Variants in TENM3 observed in about 807,000 individuals in gnomAD.
The protein encoded by TENM3 is teneurin-3.
In TENM3, 63 loss-of-function variants were observed where a neutral mutation model predicts 255.1. The observed-to-expected ratio is 0.25, with a 90% CI of 0.20 to 0.30. The LOEUF is 0.30. Ranked by LOEUF, TENM3 falls within the 10% of genes least tolerant of loss-of-function variation. The pLI, the probability that TENM3 is intolerant of heterozygous loss-of-function variation, is 1.00. For synonymous variants in TENM3, 1,306 were observed against 1,322.3 expected (o/e 0.99, Z 0.27); for missense variants, 2,929 against 3,461.1 (o/e 0.85, Z 3.86).
intron 3 of TENM3, among the ~76,000 whole-genome samples, chr4:182,462,205 A>G (rs572709089): frequency 1.3e-5 from 2 of 151,650 alleles, no homozygotes; most frequent in South Asian, 4.2e-4. Context: ...TCTGGCCCAC[A>G]CATTGCCACA....
chr4:182,290,073 G>T (rs1206511671), intron 1 of TENM3, among the ~76,000 whole-genome samples: 2 of 152,256 alleles, frequency 1.3e-5, no homozygotes, highest in Non-Finnish European at 2.9e-5. Context: ...CCTCACCGGG[G>T]CTAATCACTC....
chr4:181,537,065 G>GT, the TENM3 span, among the ~76,000 whole-genome samples: 1 of 152,002 alleles, frequency 6.6e-6, no homozygotes, highest in Non-Finnish European at 1.5e-5. Context: ...AACTTTATAT[G>GT]TTTATATTTG....
intron 13 of TENM3, among the ~76,000 whole-genome samples, 159 bp downstream of exon 13, chr4:182,714,392 G>C (rs1322255985): frequency 1.4e-5 from 2 of 147,778 alleles, no homozygotes; most frequent in African/African-American, 5.0e-5. Context: ...CTGATAGAAT[G>C]ATTTTGCTCT....
intron 16 of TENM3, among the ~76,000 whole-genome samples, chr4:182,734,076 C>T (rs939325657): frequency 1.3e-5 from 2 of 152,196 alleles, no homozygotes; most frequent in African/African-American, 4.8e-5. Context: ...AGAAGACGTG[C>T]ATCCTGCCAT....
chr4:181,710,627 C>T, the TENM3 span, among the ~76,000 whole-genome samples: 2 of 151,956 alleles, frequency 1.3e-5, no homozygotes, highest in East Asian at 1.9e-4. Flanking sequence ...GAGGCTGAGG[C>T]GGGAGAATCG....
Position 182,477,024 on chromosome 4 carries a change from A to G in TENM3, c.512-123900A>G, listed in dbSNP as rs558940150. 4.6e-5 allele frequency among the ~76,000 whole-genome samples: 7 copies of G among 152,342 alleles called. No homozygotes were observed. In the South Asian group the frequency reaches 1.4e-3, roughly 32 times the overall value. On this transcript the variant is annotated intron_variant, in intron 3 of 27. Transcript: ENST00000511685. ...TATAGCAGAATGAAGATGAGGCAGAACTATTTCCGTGAGATATTTTTACTT... is the reference window on the plus strand; with the variant it reads ...TATAGCAGAATGAAGATGAGGCAGAGCTATTTCCGTGAGATATTTTTACTT...
chr4:182,315,734 G>A (rs1318044891), intron 1 of TENM3, among the ~76,000 whole-genome samples: 1 of 151,856 alleles, frequency 6.6e-6, no homozygotes, highest in Non-Finnish European at 1.5e-5. Flanking sequence ...ATGTATATTG[G>A]TCTCTTAAAG....
intron 3 of TENM3, among the ~76,000 whole-genome samples, chr4:182,527,961 C>T (rs1368616577): frequency 6.6e-5 from 10 of 152,056 alleles, no homozygotes; most frequent in Non-Finnish European, 1.2e-4. Flanking sequence ...CTCTTGACCT[C>T]GTGATCTGCT....
the TENM3 span, among the ~76,000 whole-genome samples, chr4:182,035,873 G>C: frequency 6.6e-6 from 1 of 152,102 alleles, no homozygotes; most frequent in Non-Finnish European, 1.5e-5. Context: ...ACACTGCTTA[G>C]TTCAGTCCCT....
intron 3 of TENM3, among the ~76,000 whole-genome samples, chr4:182,347,678 A>G (rs2150678045): frequency 6.6e-6 from 1 of 152,274 alleles, no homozygotes; most frequent in South Asian, 2.1e-4. Context: ...TTTAAAAGTT[A>G]ATTTATATGC....
chr4:181,951,035 A>G, the TENM3 span, among the ~76,000 whole-genome samples: 4 of 152,174 alleles, frequency 2.6e-5, no homozygotes, highest in African/African-American at 9.7e-5. Flanking sequence ...GAGCAAGATC[A>G]TATCTCAGAA....
the TENM3 span, among the ~76,000 whole-genome samples, chr4:181,921,625 A>T: frequency 3.3e-5 from 5 of 152,176 alleles, no homozygotes; most frequent in African/African-American, 1.2e-4. Flanking sequence ...CAGCTTAAGG[A>T]GATTTTGGGC....
the TENM3 span, among the ~76,000 whole-genome samples, chr4:181,514,649 G>C: frequency 6.6e-6 from 1 of 152,154 alleles, no homozygotes; most frequent in Non-Finnish European, 1.5e-5. Context: ...GGGGATTCTG[G>C]TCAAAATGGC....
intron 3 of TENM3, among the ~76,000 whole-genome samples, chr4:182,512,001 G>A (rs557507272): frequency 6.6e-6 from 1 of 152,286 alleles, no homozygotes; most frequent in East Asian, 1.9e-4. Context: ...ACTGTAAGTA[G>A]CAAAAGAAGA....
intron 1 of TENM3, among the ~76,000 whole-genome samples, chr4:182,179,007 T>G (rs1752684945): frequency 6.6e-6 from 1 of 152,254 alleles, no homozygotes; most frequent in Non-Finnish European, 1.5e-5. Flanking sequence ...TTTTAAATTT[T>G]AATTCCTAAG....
chr4:182,192,519 C>T (rs1212993667), intron 1 of TENM3, among the ~76,000 whole-genome samples: 1 of 152,180 alleles, frequency 6.6e-6, no homozygotes, highest in Admixed American at 6.5e-5. Context: ...CATTAACTGG[C>T]ATACAGTGAA....
At chr4:181,668,303 C>G in the TENM3 span, among the ~76,000 whole-genome samples, 24 of 152,164 alleles carry the variant, frequency 1.6e-4, no homozygotes, top group Non-Finnish European at 3.4e-4. Context: ...TTCTACTGAT[C>G]TAAAATTGAA....
At chr4:182,731,938 A>T (rs1040231619) in intron 16 of TENM3, among the ~76,000 whole-genome samples, 1 of 151,748 alleles carries the variant, frequency 6.6e-6, no homozygotes, top group Non-Finnish European at 1.5e-5. Context: ...ACTGCCACCA[A>T]GCCAAGCTAA....
At chr4:182,287,714 C>A (rs62352260) in intron 1 of TENM3, among the ~76,000 whole-genome samples, 1 of 150,966 alleles carries the variant, frequency 6.6e-6, no homozygotes, top group Admixed American at 6.6e-5. Context: ...CCCAGGTTGA[C>A]GCCATTCTCC....
Sources: gnomAD v4.1 joint callset for allele counts (sites outside exome capture counted in the v4.1 genomes callset) on GRCh38, gnomAD v4.1.1 for gene constraint, MANE v1.5 for transcripts, NCBI Gene and HGNC (gene_info 2026-07-23, HGNC 2026-07-21) for gene names.